CCDC80: variants seen among roughly 807,000 people sequenced by gnomAD.
CCDC80 encodes the protein coiled-coil domain containing 80.
In CCDC80, 49 loss-of-function variants were observed where a neutral mutation model predicts 78.7. That is an observed-to-expected ratio of 0.62 (90% CI 0.50 to 0.79). CCDC80 has a LOEUF of 0.79. Ranked by LOEUF, CCDC80 falls within the 30% of genes least tolerant of loss-of-function variation. The probability of loss-of-function intolerance (pLI) is 0.00; values close to 1 mark genes in which losing one functional copy is unlikely to be tolerated. For synonymous variants in CCDC80, 488 were observed against 447.0 expected, an observed-to-expected ratio of 1.09 and a Z score of -1.16; for missense variants, 1,205 against 1,198.6, an observed-to-expected ratio of 1.01 and a Z score of -0.08.
intron 7 of CCDC80, among the ~76,000 whole-genome samples, chr3:112,606,903 C>T (rs1241203289): frequency 6.6e-6 from 1 of 152,088 alleles, no homozygotes; most frequent in Admixed American, 6.5e-5. Flanking sequence ...TATACGGACC[C>T]CCAAAAAGCA....
In CCDC80 at chr3:112,599,968, C is replaced by G. The variant is rs1372377653; in HGVS notation, c.*5449G>C. The G allele has an allele frequency of 6.6e-6, 1 of 152,102 alleles. No individual in the cohort carries two copies. The highest frequency in any genetic ancestry group is 6.5e-5 in the Admixed American group (1 of 15,268). The allele number at this position is 152,102 out of a possible 1,614,324, so 9.4% of individuals were successfully genotyped here. A position where few individuals can be genotyped will look rare whatever the true frequency, so the allele number is the denominator to read the frequency against. On this transcript the variant is annotated 3_prime_UTR_variant, in exon 8 of 8. Coordinates refer to ENST00000206423, the MANE Select transcript of CCDC80 (RefSeq NM_199511.3). ...GCTTTTCTTTTTAAATACCATAATC[C>G]CATAATCTTTCTCAAAAATTATAAA...
intron 3 of CCDC80, among the ~76,000 whole-genome samples, chr3:112,620,893 T>C (rs768324441): frequency 2.0e-5 from 3 of 152,218 alleles, no homozygotes; most frequent in Non-Finnish European, 4.4e-5. Context: ...TATTTATCAC[T>C]AATGTCCAGA....
At chr3:112,623,873 C>T (rs1157154907) in intron 3 of CCDC80, among the ~76,000 whole-genome samples, 1 of 152,200 alleles carries the variant, frequency 6.6e-6, no homozygotes, top group East Asian at 1.9e-4. Flanking sequence ...GTGCACTCAA[C>T]ATTTTGGCAT....
In CCDC80 at chr3:112,639,025, C is replaced by T; in HGVS notation, c.881G>A (p.Gly294Glu). The T allele has an allele frequency of 6.2e-7, 1 of 1,609,418 alleles. No homozygotes were observed. The highest frequency in any genetic ancestry group is 8.5e-7 in the Non-Finnish European group (1 of 1,179,344). The change falls in exon 2 of 8, where the codon GGG becomes GAG. Residue 294 changes from glycine (G) to glutamate (E), a missense_variant. Transcript: ENST00000206423. Reference protein sequence around the residue: ...SGVEGQVVAEGNDGGGGAGRP... With the variant: ...SGVEGQVVAEENDGGGGAGRP... ...TCCTGCTCCCCCTCCACCGTCATTC[C>T]CCTCCGCCACCACCTGGCCCTCTAC...
At chr3:112,634,021 A>C (rs1002828159) in intron 2 of CCDC80, among the ~76,000 whole-genome samples, 1 of 152,178 alleles carries the variant, frequency 6.6e-6, no homozygotes, top group African/African-American at 2.4e-5. Context: ...TGAGCCTCAG[A>C]GGATAAGGAA....
chr3:112,606,827 C>T (rs1361513352), intron 7 of CCDC80, among the ~76,000 whole-genome samples: 2 of 152,000 alleles, frequency 1.3e-5, no homozygotes, highest in Admixed American at 1.3e-4. Flanking sequence ...CTATGTGCCT[C>T]ACAAAACTAT....
At chr3:112,615,878 C>G (rs895920052) in intron 5 of CCDC80, among the ~76,000 whole-genome samples, 3 of 152,164 alleles carry the variant, frequency 2.0e-5, no homozygotes, top group African/African-American at 7.2e-5. Context: ...ACAATCCACC[C>G]CTTGTTTAGC....
chr3:112,605,868 G>T, intron 7 of CCDC80, 105 bp from the exon 8 acceptor site: 1 of 902,230 alleles, frequency 1.1e-6, no homozygotes, highest in Non-Finnish European at 1.7e-6. Flanking sequence ...GGACCCATGA[G>T]CCTCTTCTCT....
At position 112,619,104 on chromosome 3, in the gene CCDC80, T is replaced by A; in HGVS notation, c.2036A>T (p.Asp679Val). The change falls in exon 4 of 8, where the codon GAT (aspartate) becomes GTT (valine). Residue 679 changes from aspartate (D) to valine (V), a missense_variant and splice_region_variant. Physicochemically the swap from Asp to Val is radical, Grantham distance 152 (BLOSUM62 -3). Transcript: ENST00000206423. ...STMKIDHFQLDNEKPMRVVDD... is the reference protein window; with the variant it reads ...STMKIDHFQLVNEKPMRVVDD... ...CACCACTCGCATGGGCTTCTCATTATCTTAAGGGAAATAAAATGTGAATGA... is the reference window on the plus strand; with the variant it reads ...CACCACTCGCATGGGCTTCTCATTAACTTAAGGGAAATAAAATGTGAATGA... 3 of 1,569,434 alleles carry A rather than the reference T, an allele frequency of 1.9e-6. No homozygotes were observed. The highest frequency in any genetic ancestry group is 2.6e-6 in the Non-Finnish European group (3 of 1,161,764).
At chr3:112,634,430 C>T (rs1004590204) in intron 2 of CCDC80, among the ~76,000 whole-genome samples, 2 of 152,142 alleles carry the variant, frequency 1.3e-5, no homozygotes, top group African/African-American at 4.8e-5. Context: ...CTCAGCTATA[C>T]TCCCCATAGT....
rs1435430444 is a variant in CCDC80, at chr3:112,641,038, A to T, written c.-723T>A. On this transcript the variant is annotated 5_prime_UTR_variant, in exon 1 of 8. Coordinates refer to ENST00000206423, the MANE Select transcript of CCDC80 (RefSeq NM_199511.3). ...AAACCAAACTCAAACAACAGCAGCCACTGGAAATCAAGGAAACTTCACTAA... is the reference window on the plus strand; with the variant it reads ...AAACCAAACTCAAACAACAGCAGCCTCTGGAAATCAAGGAAACTTCACTAA... 1.3e-5 allele frequency: 2 copies of T among 152,240 alleles called. No individual in the cohort carries two copies. The highest frequency in any genetic ancestry group is 2.9e-5 in the Non-Finnish European group (2 of 68,048). The allele number at this position is 152,240 out of a possible 1,614,324, so 9.4% of individuals were successfully genotyped here. A position where few individuals can be genotyped will look rare whatever the true frequency, so the allele number is the denominator to read the frequency against.
In CCDC80 at chr3:112,603,041, A is replaced by G. The variant is rs1158797393; in HGVS notation, c.*2376T>C. On this transcript the variant is annotated 3_prime_UTR_variant, in exon 8 of 8. Transcript: ENST00000206423. ...ACGCAGCTGGTGATTTTAAGTTGAAATCAATGCTCATTTACCATTTCCCCA... is the reference window on the plus strand; with the variant it reads ...ACGCAGCTGGTGATTTTAAGTTGAAGTCAATGCTCATTTACCATTTCCCCA... The G allele has an allele frequency of 1.3e-5, 2 of 152,226 alleles. No homozygotes were observed. The highest frequency in any genetic ancestry group is 1.3e-4 in the Admixed American group (2 of 15,278). 9.4% of individuals were successfully genotyped at this position (152,226 alleles called of 1,614,324 possible).
intron 2 of CCDC80, among the ~76,000 whole-genome samples, chr3:112,633,402 A>T (rs947738983): frequency 4.6e-5 from 7 of 151,842 alleles, no homozygotes; most frequent in African/African-American, 1.7e-4. Flanking sequence ...TCCTCCTTTT[A>T]ATTACTGTTC....
rs1221833330 is a variant in CCDC80 at position 112,639,934 on chromosome 3, G to A, written c.-11-18C>T. The A allele has an allele frequency of 6.3e-7, 1 of 1,586,262 alleles. No homozygotes were observed. Among genetic ancestry groups the A allele is most frequent in the Non-Finnish European group, 8.6e-7 (1 of 1,164,080 alleles). Reference sequence around the variant, plus strand: ...GTAATCCACTTTGCGATGCACGGAGGTCATAAAACAAAGGGGAGGGGGAAA... The same window carrying A: ...GTAATCCACTTTGCGATGCACGGAGATCATAAAACAAAGGGGAGGGGGAAA... On this transcript the variant is annotated intron_variant, in intron 1 of 7. Transcript: ENST00000206423.
intron 7 of CCDC80, 46 bp downstream of exon 7, chr3:112,607,130 T>G: frequency 1.4e-6 from 2 of 1,413,156 alleles, no homozygotes; most frequent in Non-Finnish European, 2.0e-6. Flanking sequence ...GTAATTTAAC[T>G]GAACTTAACA....
At position 112,602,671 on chromosome 3, in the gene CCDC80, ACT is replaced by A. The variant is rs1409675280; in HGVS notation, c.*2744_*2745del. 1 of 152,260 alleles carries A rather than the reference ACT, an allele frequency of 6.6e-6. No homozygotes were observed. The highest frequency in any genetic ancestry group is 1.9e-4 in the East Asian group (1 of 5,200). The allele number at this position is 152,260 out of a possible 1,614,324, so 9.4% of individuals were successfully genotyped here. ...AAGCCTAGTTCAGAGCAAGGCCCTA[ACT>A]CTCTTCAATTCTATGAAAGCTAAAG... On this transcript the variant is annotated 3_prime_UTR_variant, in exon 8 of 8. Transcript: ENST00000206423.
chr3:112,632,963 G>A (rs1477486046), intron 2 of CCDC80, among the ~76,000 whole-genome samples: 1 of 152,260 alleles, frequency 6.6e-6, no homozygotes, highest in East Asian at 1.9e-4. Flanking sequence ...GAGAGGCATA[G>A]AGAAAGAATA....
chr3:112,640,031 G>T, intron 1 of CCDC80, 115 bp from the exon 2 acceptor site: 1 of 1,441,928 alleles, frequency 6.9e-7, no homozygotes, highest in South Asian at 1.5e-5. Flanking sequence ...CAAGGGGAGG[G>T]GAAAAGGTTG....
At chr3:112,617,452 A>T (rs1417769014) in intron 4 of CCDC80, among the ~76,000 whole-genome samples, 14 of 152,212 alleles carry the variant, frequency 9.2e-5, no homozygotes, top group Admixed American at 9.2e-4. Context: ...CCTGAGATGG[A>T]TTTAGGGGCT....
Sources: gnomAD v4.1 joint callset for allele counts (sites outside exome capture counted in the v4.1 genomes callset) on GRCh38, gnomAD v4.1.1 for gene constraint, MANE v1.5 for transcripts, NCBI Gene and HGNC (gene_info 2026-07-23, HGNC 2026-07-21) for gene names.